The following ART5 variants were observed in gnomAD, a reference collection of about 807,000 sequenced individuals.
ART5 encodes the protein ADP-ribosyltransferase 5.
A neutral mutation model predicts 25.0 loss-of-function variants in ART5; 22 were observed. The observed-to-expected ratio is 0.88, with a 90% CI of 0.63 to 1.26. ART5 has a LOEUF of 1.26. Ranked by LOEUF, ART5 falls within the 50% of genes most tolerant of loss-of-function variation. ART5 has a pLI of 0.00. For missense variants in ART5, 402 were observed against 372.8 expected (o/e 1.08, Z -0.64); for synonymous variants, 161 against 154.8 (o/e 1.04, Z -0.30).
At chr11:3,642,206 G>C, upstream of ART5, 2 of 1,170,428 alleles carry the variant, frequency 1.7e-6, no homozygotes, top group Non-Finnish European at 2.1e-6. Context: ...GCCAGCGGGA[G>C]GGAGCGCCGA....
At chr11:3,641,232 A>G (rs1326369315) in intron 1 of ART5, among the ~76,000 whole-genome samples, 1 of 152,164 alleles carries the variant, frequency 6.6e-6, no homozygotes, top group Non-Finnish European at 1.5e-5. Flanking sequence ...GTGGGACTAG[A>G]TGACTATCAA....
chr11:3,639,319 C>T (rs980800743), intron 2 of ART5, among the ~76,000 whole-genome samples: 1 of 152,204 alleles, frequency 6.6e-6, no homozygotes, highest in African/African-American at 2.4e-5. Context: ...CCCAGGGCCC[C>T]CCTGAGACCT....
chr11:3,640,220 G>T lies in ART5; in HGVS notation c.209C>A (p.Ala70Glu), dbSNP rs1401648916. ...CTTGTCCTCCCAGGTCTCCTGGGCT[G>T]CCTCCCAGGATTCCCGCAGCAGGGC... ...HHALLRESWE[A>E]AQETWEDKRR... is the part of the protein sequence containing the mutation. Residue 70 changes from alanine to glutamate, a missense_variant, in exon 2 of 4, where the codon GCA becomes GAA. Physicochemically the swap from Ala to Glu is moderately radical, Grantham distance 107 (BLOSUM62 -1). Coordinates refer to ENST00000397068, the MANE Select transcript of ART5 (RefSeq NM_053017.5). 1.2e-6 allele frequency: 2 copies of T among 1,613,772 alleles called. No individual in the cohort carries two copies. Among genetic ancestry groups the T allele is most frequent in the Admixed American group, 1.7e-5 (1 of 60,012 alleles).
At position 3,641,988 on chromosome 11, in the gene ART5, G is replaced by C. The variant is rs1265034501; in HGVS notation, c.-126C>G. On this transcript the variant is annotated 5_prime_UTR_variant, in exon 1 of 4. Transcript: ENST00000397068. ...CCAGGCGCACGGGATCCCGGGTCCA[G>C]GATTAGGGCCCCGGCGGGGCGTGGG... 39 of 1,444,044 alleles carry C rather than the reference G, an allele frequency of 2.7e-5. No homozygotes were observed. Among genetic ancestry groups the C allele is most frequent in the Non-Finnish European group, 3.5e-5 (38 of 1,094,532 alleles). The allele number at this position is 1,444,044 out of a possible 1,614,324, so 89.5% of individuals were successfully genotyped here.
chr11:3,640,558 G>A (rs957874070), intron 1 of ART5, among the ~76,000 whole-genome samples, 187 bp from the exon 2 acceptor site: 16 of 137,626 alleles, frequency 1.2e-4, no homozygotes, highest in Non-Finnish European at 1.7e-4. Flanking sequence ...GTCAGACATG[G>A]ACTGAAATCT....
chr11:3,639,609 C>T (rs768834172), intron 2 of ART5, 33 bp downstream of exon 2: 23 of 1,571,130 alleles, frequency 1.5e-5, no homozygotes, highest in East Asian at 1.3e-4. Context: ...TTCACCCACA[C>T]TGCCAGTCCT....
upstream of ART5, chr11:3,642,087 G>C: frequency 2.8e-6 from 4 of 1,406,780 alleles, no homozygotes; most frequent in Non-Finnish European, 3.7e-6. Flanking sequence ...CTTCCTCAGA[G>C]CCTCCAGTCT....
chr11:3,642,246 G>A (rs2077416276), upstream of ART5: 1 of 913,166 alleles, frequency 1.1e-6, no homozygotes, highest in Non-Finnish European at 1.3e-6. Flanking sequence ...GCTGTCCCCG[G>A]AGGAGTCCGG....
intron 1 of ART5, among the ~76,000 whole-genome samples, chr11:3,640,851 C>T (rs1183742099): frequency 2.0e-5 from 3 of 152,198 alleles, no homozygotes; most frequent in Admixed American, 1.3e-4. Flanking sequence ...AAGCAATTCT[C>T]CTCTCTCAGC....
In ART5 at chr11:3,638,764, T is replaced by C. The variant is rs1031263794; in HGVS notation, c.850A>G (p.Thr284Ala). 3 of 1,613,986 alleles carry C rather than the reference T, an allele frequency of 1.9e-6. No individual in the cohort carries two copies. In the African/African-American group the frequency reaches 4.0e-5, roughly 22 times the overall value. The change falls in exon 4 of 4, where the codon ACG (threonine) becomes GCG (alanine). Residue 284 changes from threonine (T) to alanine (A), a missense_variant. Coordinates refer to ENST00000397068, the MANE Select transcript of ART5 (RefSeq NM_053017.5). The stretch of plus-strand genomic sequence containing the variant: ...CAAGGCTGCTGGAGGTGCCTCTTCG[T>C]CATATGAAGGTCACCCGTTCCCAGG... ...GALGTGDLHM[T>A]KRHLQQP
Position 3,640,086 on chromosome 11 carries a change from G to C in ART5, c.343C>G (p.Arg115Gly), listed in dbSNP as rs758132085. 1.2e-6 allele frequency: 2 copies of C among 1,614,066 alleles called. No homozygotes were observed. The highest frequency in any genetic ancestry group is 2.2e-5 in the South Asian group (2 of 91,088). ...TLYWELNQAV[R>G]TGGGSRELYM... ...AGCTCCCGGGAGCCTCCGCCCGTCC[G>C]CACGGCCTGATTCAACTCCCAGTAC... The change falls in exon 2 of 4, where the codon CGG becomes GGG. Residue 115 changes from arginine to glycine, a missense_variant. Arg to Gly is a moderately radical substitution (Grantham distance 125, BLOSUM62 -2). Transcript: ENST00000397068.
chr11:3,639,268 A>G (rs770421264), intron 2 of ART5, among the ~76,000 whole-genome samples: 4 of 151,928 alleles, frequency 2.6e-5, no homozygotes, highest in African/African-American at 4.8e-5. Context: ...CTGCCTTAGC[A>G]CTTGGGAATG....
In ART5 at chr11:3,638,841, A is replaced by G. The variant is rs375475156; in HGVS notation, c.821-48T>C. On this transcript the variant is annotated intron_variant, in intron 3 of 3. Coordinates refer to ENST00000397068, the MANE Select transcript of ART5 (RefSeq NM_053017.5). ...TCAGGGCCCAACCCCTGAGAGCTGG[A>G]ACTCTCCAGGGGCCAAGAGCAGAGT... 1.1e-5 allele frequency: 18 copies of G among 1,614,002 alleles called. No homozygotes were observed. In the African/African-American group the frequency reaches 2.4e-4, roughly 22 times the overall value.
rs555998435 is a variant in ART5 at position 3,639,770 on chromosome 11, C to T, written c.659G>A (p.Arg220His). ...TTCATGGGGGGGAATCAGCACCTCG[C>T]GCTCCTTGGGAAAGACAGAGAAGGC... ...IQAFSVFPKE[R>H]EVLIPPHEVF... Residue 220 changes from arginine to histidine, a missense_variant, in exon 2 of 4, where the codon CGC becomes CAC. Coordinates refer to ENST00000397068, the MANE Select transcript of ART5 (RefSeq NM_053017.5). 2.5e-5 allele frequency: 40 copies of T among 1,614,186 alleles called. No homozygotes were observed. The South Asian group carries it at 3.2e-4, about 13-fold the overall frequency.
chr11:3,639,081 C>G, intron 2 of ART5, 46 bp from the exon 3 acceptor site: 1 of 1,547,664 alleles, frequency 6.5e-7, no homozygotes, highest in Non-Finnish European at 8.7e-7. Context: ...CAGACTCGCA[C>G]CCAAACTGCC....
intron 1 of ART5, 122 bp from the exon 2 acceptor site, chr11:3,640,493 A>G (rs2077379977): frequency 7.6e-7 from 1 of 1,308,284 alleles, no homozygotes; most frequent in East Asian, 2.6e-5. Flanking sequence ...TATCAGGTAT[A>G]TGCAATTTGG....
At chr11:3,638,847 C>T in intron 3 of ART5, 54 bp from the exon 4 acceptor site, 1 of 1,614,134 alleles carries the variant, frequency 6.2e-7, no homozygotes, top group Non-Finnish European at 8.5e-7. Context: ...CTGGAACTCT[C>T]CAGGGGCCAA....
chr11:3,642,043 C>T (rs7112533), upstream of ART5: 764,834 of 1,428,800 alleles, frequency 0.54, 211,901 homozygotes, highest in South Asian at 0.59. Flanking sequence ...GCCCGCCCCC[C>T]GCCCCAAGTC....
Position 3,639,954 on chromosome 11 carries a change from A to C in ART5, c.475T>G (p.Phe159Val). 1 of 1,614,128 alleles carries C rather than the reference A, an allele frequency of 6.2e-7. No individual in the cohort carries two copies. Among genetic ancestry groups the C allele is most frequent in the South Asian group, 1.1e-5 (1 of 91,080 alleles). The change falls in exon 2 of 4, where the codon TTC (phenylalanine) becomes GTC (valine). Residue 159 changes from phenylalanine (F) to valine (V), a missense_variant. Phe to Val is a conservative substitution (Grantham distance 50). Coordinates refer to ENST00000397068, the MANE Select transcript of ART5 (RefSeq NM_053017.5). ...AAGCGAAGGCTGCCCACACCTCGGA[A>C]CACCACCTCCCCAGGTCCCCTGCTG... ...GCSRGPGEVV[F>V]RGVGSLRFEP...
Sources: allele counts gnomAD v4.1 joint callset (sites outside exome capture counted in the v4.1 genomes callset), GRCh38; gene constraint gnomAD v4.1.1; transcripts MANE v1.5; gene names NCBI Gene and HGNC (gene_info 2026-07-23, HGNC 2026-07-21).